The following RLF variants were observed in gnomAD, a reference collection of about 807,000 sequenced individuals.
The protein encoded by RLF is RLF zinc finger, also known as zinc finger protein Rlf.
Under a neutral mutation model 162.9 loss-of-function variants are expected in RLF, and 7 were observed. That is an observed-to-expected ratio of 0.04 (90% confidence interval 0.02 to 0.08). The LOEUF (loss-of-function observed/expected upper bound fraction) is 0.08, where lower values mean the gene tolerates loss of function less well. Ranked by LOEUF, RLF falls within the 10% of genes least tolerant of loss-of-function variation. The pLI, the probability that RLF is intolerant of heterozygous loss-of-function variation, is 1.00. For missense variants in RLF, 1,664 were observed against 2,244.7 expected (o/e 0.74, Z 5.23); for synonymous variants, 782 against 791.5 (o/e 0.99, Z 0.20).
chr1:40,213,192 A>G (rs1043831098), intron 5 of RLF, among the ~76,000 whole-genome samples: 1 of 152,224 alleles, frequency 6.6e-6, no homozygotes, highest in Non-Finnish European at 1.5e-5. Context: ...CCTAAAGCAC[A>G]GTTCTTTCAA....
chr1:40,162,696 T>A (rs1642110834), intron 1 of RLF, among the ~76,000 whole-genome samples: 1 of 152,194 alleles, frequency 6.6e-6, no homozygotes, highest in Non-Finnish European at 1.5e-5. Context: ...TTTTCTTCCC[T>A]CTCTCTGCCG....
chr1:40,161,665 G>T lies in RLF; in HGVS notation c.237+29G>T. On this transcript the variant is annotated intron_variant, in intron 1 of 7. Coordinates refer to ENST00000372771, the MANE Select transcript of RLF (RefSeq NM_012421.4). The surrounding 1 kb of genome is among the most constrained non-coding windows in gnomAD (Gnocchi z 4.4). ...AGGGGCTGACTGGCTGGCTGAGGGC[G>T]GCGGGGCGGGGAAGTCAGGGAAGGA... 1 of 1,603,684 alleles carries T rather than the reference G, an allele frequency of 6.2e-7. No individual in the cohort carries two copies. The highest frequency in any genetic ancestry group is 8.5e-7 in the Non-Finnish European group (1 of 1,176,906).
intron 1 of RLF, among the ~76,000 whole-genome samples, chr1:40,163,927 G>T (rs1277039157): frequency 6.6e-6 from 1 of 152,154 alleles, no homozygotes; most frequent in African/African-American, 2.4e-5. Flanking sequence ...TTGATGACCA[G>T]ATAGAGAAAA....
Position 40,190,841 on chromosome 1 carries a change from T to C in RLF, c.462T>C (p.Leu154=), listed in dbSNP as rs1351361944. ...CATGTGAAGTCTGGCTACCATTCCT[T>C]CAGTCTCTACAGGTGAGTTGATTTT... ...ELPCEVWLPF[L]QSLQESHDAL... is the part of the protein sequence containing the mutation. The change falls in exon 3 of 8, where the codon CTT becomes CTC. Residue 154 remains leucine (L), a synonymous_variant. Coordinates refer to ENST00000372771, the MANE Select transcript of RLF (RefSeq NM_012421.4). The C allele has an allele frequency of 6.2e-7, 1 of 1,612,082 alleles. No homozygotes were observed. Among genetic ancestry groups the C allele is most frequent in the Admixed American group, 1.7e-5 (1 of 59,940 alleles).
intron 1 of RLF, among the ~76,000 whole-genome samples, chr1:40,183,505 G>T (rs14404): frequency 1.3e-5 from 2 of 152,090 alleles, no homozygotes. Context: ...GTAAACTCGG[G>T]AAGAAGGCCA....
intron 6 of RLF, among the ~76,000 whole-genome samples, chr1:40,226,332 G>A (rs1382227459): frequency 1.3e-5 from 2 of 152,112 alleles, no homozygotes; most frequent in Non-Finnish European, 2.9e-5. Context: ...ACCATTTTGA[G>A]TGAGATGGTG....
intron 1 of RLF, among the ~76,000 whole-genome samples, chr1:40,182,095 C>T (rs1231064814): frequency 1.3e-5 from 2 of 152,036 alleles, no homozygotes; most frequent in Admixed American, 6.6e-5. Context: ...AATGGAAAGA[C>T]GTTATAGCAT....
intron 4 of RLF, among the ~76,000 whole-genome samples, chr1:40,199,738 C>T (rs532311660): frequency 2.0e-5 from 3 of 152,202 alleles, no homozygotes. Context: ...GAATTGCTTA[C>T]AACCTCATAT....
At chr1:40,174,992 G>T (rs189026649) in intron 1 of RLF, among the ~76,000 whole-genome samples, 1 of 152,192 alleles carries the variant, frequency 6.6e-6, no homozygotes, top group African/African-American at 2.4e-5. Flanking sequence ...TTGAAGCCAG[G>T]AGTTCAAGAC....
chr1:40,168,182 TC>T (rs1299307397), intron 1 of RLF, among the ~76,000 whole-genome samples: 4 of 152,178 alleles, frequency 2.6e-5, no homozygotes, highest in Non-Finnish European at 5.9e-5. Flanking sequence ...GCCACTGTAC[TC>T]CAGCTTGGGC....
chr1:40,212,809 T>A (rs573836353), intron 5 of RLF, among the ~76,000 whole-genome samples: 26 of 152,308 alleles, frequency 1.7e-4, no homozygotes, highest in African/African-American at 6.3e-4. Context: ...TCACTAGGTA[T>A]AAATGATAGA....
chr1:40,222,109 C>T (rs555232592), intron 5 of RLF, among the ~76,000 whole-genome samples: 7 of 151,852 alleles, frequency 4.6e-5, no homozygotes, highest in African/African-American at 1.7e-4. Flanking sequence ...GTTAATGTAG[C>T]ATTTGTATTT....
At chr1:40,223,650 T>C (rs1643023633) in intron 6 of RLF, among the ~76,000 whole-genome samples, 1 of 152,268 alleles carries the variant, frequency 6.6e-6, no homozygotes, top group Admixed American at 6.5e-5. Flanking sequence ...TTATGGTTAA[T>C]ACCATTGTAT....
intron 7 of RLF, among the ~76,000 whole-genome samples, chr1:40,234,634 G>A (rs369737571): frequency 1.3e-5 from 2 of 152,242 alleles, no homozygotes; most frequent in South Asian, 2.1e-4. Flanking sequence ...TTACCAATAA[G>A]GAAACTGAAG....
intron 2 of RLF, among the ~76,000 whole-genome samples, chr1:40,190,325 G>A (rs1246482782): frequency 1.3e-5 from 2 of 152,030 alleles, no homozygotes; most frequent in East Asian, 1.9e-4. Context: ...GTAAAGAAAC[G>A]ACTTTGCCAG....
chr1:40,185,843 C>CAAAAAAAAAAAAAAAAAAAACAA (rs1642471800), intron 1 of RLF, among the ~76,000 whole-genome samples: 1 of 67,526 alleles, frequency 1.5e-5, no homozygotes, highest in Non-Finnish European at 2.6e-5. Context: ...AAAAAAAAAG[C>CAAAAAAAAAAAAAAAAAAAACAA]AAAAAAAAAA....
chr1:40,205,485 C>CT (rs36038824), intron 5 of RLF, among the ~76,000 whole-genome samples: 10,178 of 106,982 alleles, frequency 0.095, 300 homozygotes, highest in East Asian at 0.19. Flanking sequence ...TTCCTTCCTT[C>CT]TTTTTTTTTT....
At chr1:40,176,994 AT>A (rs995241158) in intron 1 of RLF, among the ~76,000 whole-genome samples, 101 of 145,626 alleles carry the variant, frequency 6.9e-4, no homozygotes, top group East Asian at 4.0e-3. Flanking sequence ...TAATTAATTA[AT>A]TTTTTTTTTT....
chr1:40,233,215 A>G lies in RLF; in HGVS notation c.1089+1557A>G, dbSNP rs926128154. Among the ~76,000 whole-genome samples the G allele has an allele frequency of 2.0e-5, 3 of 152,246 alleles. No homozygotes were observed. In the East Asian group the frequency reaches 5.8e-4, roughly 29 times the overall value. ...AGTTTAAGACCCACCAATTTCTTCA[A>G]AATTCAGCTCCACATTGCATATCCT... On this transcript the variant is annotated intron_variant, in intron 7 of 7. Coordinates refer to ENST00000372771, the MANE Select transcript of RLF (RefSeq NM_012421.4).
Sources: allele counts gnomAD v4.1 joint callset (sites outside exome capture counted in the v4.1 genomes callset), GRCh38; gene constraint gnomAD v4.1.1; non-coding constraint Gnocchi (gnomAD v3.1); transcripts MANE v1.5; gene names NCBI Gene and HGNC (gene_info 2026-07-23, HGNC 2026-07-21).